ERBB4: variants seen among roughly 807,000 people sequenced by gnomAD.
The protein encoded by ERBB4 is receptor tyrosine-protein kinase erbB-4.
A neutral mutation model predicts 158.0 loss-of-function variants in ERBB4; 42 were observed. That is an observed-to-expected ratio of 0.27 (90% CI 0.21 to 0.34). ERBB4 has a LOEUF of 0.34. Among genes scored for constraint, ERBB4 ranks in the 10% least tolerant of loss-of-function variants. The pLI, the probability that ERBB4 is intolerant of heterozygous loss-of-function variation, is 1.00. For missense variants in ERBB4, 1,333 were observed against 1,624.1 expected (o/e 0.82, Z 3.08); for synonymous variants, 583 against 558.7 (o/e 1.04, Z -0.61).
chr2:211,962,503 T>C (rs966511348), intron 2 of ERBB4, among the ~76,000 whole-genome samples: 12 of 152,102 alleles, frequency 7.9e-5, no homozygotes, highest in African/African-American at 2.9e-4. Flanking sequence ...AAAAAGTTAA[T>C]GTAGGAGTCT....
chr2:212,450,365 T>A, intron 1 of ERBB4, among the ~76,000 whole-genome samples: 1 of 152,124 alleles, frequency 6.6e-6, no homozygotes, highest in Non-Finnish European at 1.5e-5. Flanking sequence ...ATTATCTAAG[T>A]GAGCCCAGTA....
At chr2:211,609,042 T>C (rs1303260506) in intron 19 of ERBB4, among the ~76,000 whole-genome samples, 1 of 152,082 alleles carries the variant, frequency 6.6e-6, no homozygotes, top group Non-Finnish European at 1.5e-5. Flanking sequence ...GTATGCAGAC[T>C]ATACACCAGA....
chr2:212,298,250 A>G (rs1229025402), intron 1 of ERBB4, among the ~76,000 whole-genome samples: 1 of 151,790 alleles, frequency 6.6e-6, no homozygotes, highest in African/African-American at 2.4e-5. Context: ...GTAAAAAAAG[A>G]TCAGTTTCTA....
intron 16 of ERBB4, among the ~76,000 whole-genome samples, chr2:211,645,194 A>G (rs1364701311): frequency 6.6e-6 from 1 of 151,844 alleles, no homozygotes; most frequent in Non-Finnish European, 1.5e-5. Context: ...ACTTTCTCAT[A>G]AAATTCATGC....
chr2:211,572,904 T>C (rs1485255797), intron 19 of ERBB4, among the ~76,000 whole-genome samples: 1 of 152,088 alleles, frequency 6.6e-6, no homozygotes, highest in African/African-American at 2.4e-5. Context: ...AACACTCCCC[T>C]CCTCCTACCC....
rs183662807 is a variant in ERBB4 at position 211,391,437 on chromosome 2, A to G, written c.3136-3445T>C. On this transcript the variant is annotated intron_variant, in intron 25 of 27. Transcript: ENST00000342788. ...ATCTTTAGGAAGCAGCACTGGGTGC[A>G]TCTGTTCAATTAGCTGGTGAGGCGA... Among the ~76,000 whole-genome samples, 16 of 152,318 alleles carry G rather than the reference A, an allele frequency of 1.1e-4. No individual in the cohort carries two copies. In the East Asian group the frequency reaches 2.7e-3, roughly 26 times the overall value.
At chr2:211,910,718 A>G (rs948057621) in intron 3 of ERBB4, among the ~76,000 whole-genome samples, 1 of 151,994 alleles carries the variant, frequency 6.6e-6, no homozygotes, top group Admixed American at 6.6e-5. Context: ...GTACCCCTAA[A>G]CTTAAAAGTT....
At chr2:212,517,024 A>G (rs1297854098) in intron 1 of ERBB4, among the ~76,000 whole-genome samples, 1 of 152,104 alleles carries the variant, frequency 6.6e-6, no homozygotes, top group African/African-American at 2.4e-5. Context: ...TCACTGCAAA[A>G]GTTTTCTATA....
chr2:212,108,001 A>G (rs1040172869), intron 2 of ERBB4, among the ~76,000 whole-genome samples: 2 of 152,172 alleles, frequency 1.3e-5, no homozygotes, highest in African/African-American at 4.8e-5. Context: ...GCAGTGTGAA[A>G]ATGAACTAAT....
chr2:211,639,643 A>G (rs2070496295), intron 16 of ERBB4, among the ~76,000 whole-genome samples: 1 of 152,242 alleles, frequency 6.6e-6, no homozygotes, highest in Non-Finnish European at 1.5e-5. Context: ...CTATCGAAGC[A>G]TTAAGCATAC....
intron 16 of ERBB4, among the ~76,000 whole-genome samples, chr2:211,633,864 T>A (rs1238421114): frequency 6.6e-6 from 1 of 152,078 alleles, no homozygotes; most frequent in Non-Finnish European, 1.5e-5. Context: ...ATCCAGAATA[T>A]GCAAGAAACT....
intron 2 of ERBB4, among the ~76,000 whole-genome samples, chr2:212,111,675 ATCT>A (rs1337741973): frequency 6.6e-6 from 1 of 151,288 alleles, no homozygotes; most frequent in Non-Finnish European, 1.5e-5. Flanking sequence ...TCTTCCATGA[ATCT>A]TCTTATAACT....
chr2:211,776,925 A>C (rs772548819), intron 4 of ERBB4, among the ~76,000 whole-genome samples: 7 of 152,134 alleles, frequency 4.6e-5, no homozygotes, highest in Admixed American at 2.6e-4. Context: ...TTAGAAAATT[A>C]CATCAATTGA....
intron 25 of ERBB4, among the ~76,000 whole-genome samples, chr2:211,415,513 T>C (rs971463977): frequency 3.7e-4 from 56 of 152,208 alleles, no homozygotes; most frequent in African/African-American, 1.4e-3. Flanking sequence ...CATAGCAAAA[T>C]ATAATAAATC....
At chr2:211,535,764 A>G (rs1453593578) in intron 20 of ERBB4, 1 of 152,594 alleles carries the variant, frequency 6.6e-6, no homozygotes, top group African/African-American at 2.4e-5. Context: ...TGGATTACTA[A>G]AATCATATGT....
At chr2:211,575,316 A>G (rs10198754) in intron 19 of ERBB4, among the ~76,000 whole-genome samples, 114,732 of 152,084 alleles carry the variant, frequency 0.75, 45,527 homozygotes, top group East Asian at 0.91. Context: ...GTATAGATCA[A>G]ATGAGCCCAA....
intron 1 of ERBB4, among the ~76,000 whole-genome samples, chr2:212,293,322 C>A (rs988041501): frequency 1.3e-5 from 2 of 151,666 alleles, no homozygotes; most frequent in African/African-American, 4.8e-5. Flanking sequence ...TAATAAAAAT[C>A]TCATCTCACA....
At chr2:211,792,675 C>T (rs12473706) in intron 3 of ERBB4, among the ~76,000 whole-genome samples, 4,433 of 151,802 alleles carry the variant, frequency 0.029, 247 homozygotes, top group East Asian at 0.19. Flanking sequence ...GTAAGTCTAC[C>T]TCACATTGTC....
chr2:211,884,926 CT>C (rs1364728676), intron 3 of ERBB4, among the ~76,000 whole-genome samples: 4 of 152,142 alleles, frequency 2.6e-5, no homozygotes, highest in Non-Finnish European at 4.4e-5. Flanking sequence ...ACTCTATTCT[CT>C]TTTTTTCTGA....
Sources: gnomAD v4.1 joint callset for allele counts (sites outside exome capture counted in the v4.1 genomes callset) on GRCh38, gnomAD v4.1.1 for gene constraint, MANE v1.5 for transcripts, NCBI Gene and HGNC (gene_info 2026-07-23, HGNC 2026-07-21) for gene names.